Variants in MTMR4 observed in about 807,000 individuals in gnomAD.
MTMR4 encodes myotubularin related protein 4.
A neutral mutation model predicts 125.5 loss-of-function variants in MTMR4; 30 were observed. That is an observed-to-expected ratio of 0.24 (90% CI 0.18 to 0.32). The LOEUF (loss-of-function observed/expected upper bound fraction) is 0.32, where lower values mean the gene tolerates loss of function less well. Ranked by LOEUF, MTMR4 falls within the 10% of genes least tolerant of loss-of-function variation. The pLI, the probability that MTMR4 is intolerant of heterozygous loss-of-function variation, is 1.00. For missense variants in MTMR4, 1,039 were observed against 1,511.5 expected (o/e 0.69, Z 5.18); for synonymous variants, 498 against 564.5 (o/e 0.88, Z 1.67).
intron 7 of MTMR4, chr17:58,507,953 ACT>A: frequency 3.4e-5 from 16 of 470,742 alleles, no homozygotes; most frequent in Non-Finnish European, 5.4e-5. Context: ...ACACACACAC[ACT>A]CTAAAAAAAG....
At chr17:58,511,393 G>A in intron 4 of MTMR4, 36 bp downstream of exon 4, 4 of 1,566,314 alleles carry the variant, frequency 2.6e-6, no homozygotes, top group Non-Finnish European at 3.5e-6. Flanking sequence ...ACAAGACTAG[G>A]GCCAGGGGAC....
At position 58,507,340 on chromosome 17, in the gene MTMR4, G is replaced by A. The variant is rs200275851; in HGVS notation, c.708-21C>T. The A allele has an allele frequency of 2.3e-4, 363 of 1,605,754 alleles. No individual in the cohort carries two copies. The African/African-American group carries it at 4.2e-3, about 19-fold the overall frequency. ...AGTGTCTGACAAAACAGAAGAAACC[G>A]TAATGCCCTTGGCATTCGAAGCCTC... On this transcript the variant is annotated intron_variant, in intron 7 of 17. Transcript: ENST00000682306.
intron 8 of MTMR4, 87 bp downstream of exon 8, chr17:58,507,036 C>A: frequency 6.3e-7 from 1 of 1,582,842 alleles, no homozygotes; most frequent in Non-Finnish European, 8.7e-7. Context: ...TGTCATCTTC[C>A]CAGACTCTCA....
rs1350892332 is a variant in MTMR4 at position 58,507,146 on chromosome 17, C to A, written c.881G>T (p.Ser294Ile). 6.2e-7 allele frequency: 1 copy of A among 1,614,058 alleles called. No individual in the cohort carries two copies. Among genetic ancestry groups the A allele is most frequent in the East Asian group, 2.2e-5 (1 of 44,884 alleles). Residue 294 changes from serine (S) to isoleucine (I), a missense_variant, in exon 8 of 18, where the codon AGC (serine) becomes ATC (isoleucine). Transcript: ENST00000682306. ...GSLSTGNNDT[S>I]EACDADFDSS... Reference sequence around the variant, plus strand: ...ACCAAAGTCAGCATCACACGCCTCGCTGGTATCATTATTCCCGGTGCTGAG... The same window carrying A: ...ACCAAAGTCAGCATCACACGCCTCGATGGTATCATTATTCCCGGTGCTGAG...
At position 58,512,478 on chromosome 17, in the gene MTMR4, C is replaced by T; in HGVS notation, c.164G>A (p.Gly55Glu). ...QVPFTVLQGEGVEFLGRAADA... is the reference protein window; with the variant it reads ...QVPFTVLQGEEVEFLGRAADA... ...GGCTGCCCGGCCCAGGAACTCTACT[C>T]CCTCACCCTGCAGCACTGTGAAGGG... Residue 55 changes from glycine to glutamate, a missense_variant, in exon 3 of 18, where the codon GGA (glycine) becomes GAA (glutamate). By Grantham distance (98) the Gly-to-Glu change is moderately conservative. Transcript: ENST00000682306. The surrounding 1 kb of genome is among the most constrained non-coding windows in gnomAD (Gnocchi z 4.1). The T allele has an allele frequency of 6.2e-7, 1 of 1,614,142 alleles. No homozygotes were observed. Among genetic ancestry groups the T allele is most frequent in the Non-Finnish European group, 8.5e-7 (1 of 1,180,022 alleles).
At chr17:58,497,709 T>C (rs1376619418) in intron 14 of MTMR4, among the ~76,000 whole-genome samples, 1 of 152,134 alleles carries the variant, frequency 6.6e-6, no homozygotes, top group Non-Finnish European at 1.5e-5. Flanking sequence ...ATGAATGAGC[T>C]CAAAATACAA....
intron 14 of MTMR4, 119 bp downstream of exon 14, chr17:58,503,625 G>A: frequency 7.7e-7 from 1 of 1,302,440 alleles, no homozygotes; most frequent in Non-Finnish European, 1.0e-6. Context: ...ACTCCACCCT[G>A]GGCGACAAAG....
At chr17:58,496,990 T>A (rs943379785) in intron 14 of MTMR4, among the ~76,000 whole-genome samples, 1 of 152,198 alleles carries the variant, frequency 6.6e-6, no homozygotes, top group Non-Finnish European at 1.5e-5. Flanking sequence ...AGTGTGCTCC[T>A]CTGCTTCCCA....
intron 14 of MTMR4, among the ~76,000 whole-genome samples, chr17:58,500,706 C>T (rs1028543921): frequency 2.9e-4 from 41 of 141,208 alleles, no homozygotes; most frequent in East Asian, 4.4e-4. Flanking sequence ...GCCAAGATTG[C>T]GCCACTGCAC....
intron 17 of MTMR4, 122 bp from the exon 18 acceptor site, chr17:58,491,962 G>A: frequency 1.3e-6 from 1 of 747,052 alleles, no homozygotes; most frequent in Non-Finnish European, 2.0e-6. Flanking sequence ...CTTGAGGCCA[G>A]GAGTTTGAGA....
intron 1 of MTMR4, among the ~76,000 whole-genome samples, chr17:58,513,181 C>T (rs934169551): frequency 6.6e-6 from 1 of 152,184 alleles, no homozygotes; most frequent in Admixed American, 6.5e-5. Context: ...TGGGAATCTG[C>T]ACTCTTCAAA....
In MTMR4 at chr17:58,508,910, A is replaced by G; in HGVS notation, c.336-69T>C. On this transcript the variant is annotated intron_variant, in intron 4 of 17. Transcript: ENST00000682306. The surrounding 1 kb of genome is among the most constrained non-coding windows in gnomAD (Gnocchi z 4.8). The stretch of plus-strand genomic sequence containing the variant: ...TTGTGCCATGGGGCTATCAGGGCCA[A>G]AAACACAGCCACAGGAAGGCTGTGA... 1 of 1,539,820 alleles carries G rather than the reference A, an allele frequency of 6.5e-7. No homozygotes were observed. The highest frequency in any genetic ancestry group is 8.9e-7 in the Non-Finnish European group (1 of 1,126,776).
Position 58,514,590 on chromosome 17 carries a change from A to G in MTMR4, c.-183T>C. 5 of 984,718 alleles carry G rather than the reference A, an allele frequency of 5.1e-6. No individual in the cohort carries two copies. In the African/African-American group the frequency reaches 5.2e-5, roughly 10 times the overall value. 61.0% of individuals were successfully genotyped at this position (984,718 alleles called of 1,614,324 possible). On this transcript the variant is annotated 5_prime_UTR_variant, in exon 1 of 18. Transcript: ENST00000682306. Reference sequence around the variant, plus strand: ...GCGCGCCTCTCCCCTCCTCTCCACAATGGAGCGGGCCCAGCTCCGCCCTCC... The same window carrying G: ...GCGCGCCTCTCCCCTCCTCTCCACAGTGGAGCGGGCCCAGCTCCGCCCTCC...
upstream of MTMR4, among the ~76,000 whole-genome samples, chr17:58,518,984 G>C (rs1250915790): frequency 6.6e-6 from 1 of 152,188 alleles, no homozygotes; most frequent in Non-Finnish European, 1.5e-5. Context: ...CCAGGGTCTA[G>C]AACAGCCTGC....
At chr17:58,507,740 A>G (rs1238487637) in intron 7 of MTMR4, among the ~76,000 whole-genome samples, 3 of 152,244 alleles carry the variant, frequency 2.0e-5, no homozygotes, top group Non-Finnish European at 4.4e-5. Flanking sequence ...CTTGTGGGTC[A>G]CAACCAGTTT....
At chr17:58,496,387 T>C (rs987524624) in intron 14 of MTMR4, 57 bp from the exon 15 acceptor site, 1 of 1,394,924 alleles carries the variant, frequency 7.2e-7, no homozygotes, top group Non-Finnish European at 9.8e-7. Flanking sequence ...CAATACAATA[T>C]ATGGAACTGA....
upstream of MTMR4, chr17:58,514,904 C>G (rs1976045821): frequency 1.6e-6 from 1 of 614,198 alleles, no homozygotes; most frequent in Non-Finnish European, 2.0e-6. Flanking sequence ...CCCCTAAGTT[C>G]CCCCGACGCC....
chr17:58,509,820 G>A (rs1975879448), intron 4 of MTMR4, among the ~76,000 whole-genome samples: 1 of 152,162 alleles, frequency 6.6e-6, no homozygotes, highest in Non-Finnish European at 1.5e-5. Context: ...GAAGGGCAAT[G>A]TGAATGCTCC....
In MTMR4 at chr17:58,506,734, C is replaced by A; in HGVS notation, c.1033+9G>T. ...AGGCTGGCTGCAGACACTGGGATAACAGCAATACCTTCACATTCACAGCCT... is the reference window on the plus strand; with the variant it reads ...AGGCTGGCTGCAGACACTGGGATAAAAGCAATACCTTCACATTCACAGCCT... On this transcript the variant is annotated intron_variant, in intron 9 of 17. Coordinates refer to ENST00000682306, the MANE Select transcript of MTMR4 (RefSeq NM_001378067.1). 1 of 1,613,246 alleles carries A rather than the reference C, an allele frequency of 6.2e-7. No individual in the cohort carries two copies. Among genetic ancestry groups the A allele is most frequent in the South Asian group, 1.1e-5 (1 of 91,016 alleles).
Sources: allele counts gnomAD v4.1 joint callset (sites outside exome capture counted in the v4.1 genomes callset), GRCh38; gene constraint gnomAD v4.1.1; non-coding constraint Gnocchi (gnomAD v3.1); transcripts MANE v1.5; gene names NCBI Gene and HGNC (gene_info 2026-07-23, HGNC 2026-07-21).